MEGF6: variants seen among roughly 807,000 people sequenced by gnomAD.
The protein encoded by MEGF6 is multiple epidermal growth factor-like domains protein 6.
A neutral mutation model predicts 207.1 loss-of-function variants in MEGF6; 184 were observed. The observed-to-expected ratio is 0.89, with a 90% CI of 0.79 to 1.00. MEGF6 has a LOEUF of 1.00. Ranked by LOEUF, MEGF6 falls within the 50% of genes least tolerant of loss-of-function variation. MEGF6 has a pLI of 0.00. For missense variants in MEGF6, 2,282 were observed against 2,202.9 expected (o/e 1.04, Z -0.72); for synonymous variants, 1,038 against 910.0 (o/e 1.14, Z -2.53).
At chr1:3,618,821 A>C in the MEGF6 span, among the ~76,000 whole-genome samples, 1 of 152,154 alleles carries the variant, frequency 6.6e-6, no homozygotes, top group Non-Finnish European at 1.5e-5. This position sits in a 1 kb window ranked among gnomAD's most constrained non-coding sequence, Gnocchi z 4.7. Flanking sequence ...CCCAAAGTGC[A>C]TCCCCCAAAG....
chr1:3,511,882 C>T (rs1641362092), intron 8 of MEGF6, 124 bp downstream of exon 8: 1 of 1,501,554 alleles, frequency 6.7e-7, no homozygotes, highest in Admixed American at 2.0e-5. Flanking sequence ...ACCAAGGGCT[C>T]ACACCCAGGG....
At chr1:3,513,330 GC>G (rs1315755228) in intron 7 of MEGF6, among the ~76,000 whole-genome samples, 6 of 152,000 alleles carry the variant, frequency 3.9e-5, no homozygotes, top group East Asian at 1.9e-4. Flanking sequence ...TCCTGCCTCA[GC>G]CTTCCGAGTA....
chr1:3,511,034 C>T (rs1471323764), intron 9 of MEGF6, 132 bp from the exon 10 acceptor site: 78 of 1,295,026 alleles, frequency 6.0e-5, no homozygotes, highest in Non-Finnish European at 7.8e-5. Flanking sequence ...CACAGCCTCA[C>T]GTGTGCACAC....
intron 35 of MEGF6, among the ~76,000 whole-genome samples, 154 bp from the exon 36 acceptor site, chr1:3,491,113 A>G (rs1262688552): frequency 7.1e-6 from 1 of 140,126 alleles, no homozygotes; most frequent in African/African-American, 3.2e-5. Context: ...TCGGGGAAGG[A>G]ACGGGGGCGG....
At chr1:3,543,688 C>T (rs936843094) in intron 4 of MEGF6, among the ~76,000 whole-genome samples, 10 of 152,366 alleles carry the variant, frequency 6.6e-5, no homozygotes, top group Admixed American at 3.3e-4. Context: ...TGGCTGGCCC[C>T]GGGTCATCCG....
chr1:3,542,395 G>T (rs1642556847), intron 4 of MEGF6, among the ~76,000 whole-genome samples: 1 of 152,226 alleles, frequency 6.6e-6, no homozygotes, highest in South Asian at 2.1e-4. Flanking sequence ...CTCCAACCCG[G>T]CTGGCAGTGG....
chr1:3,531,183 C>T, intron 4 of MEGF6: 2 of 1,521,578 alleles, frequency 1.3e-6, no homozygotes, highest in Non-Finnish European at 1.8e-6. Flanking sequence ...CGACGCGCGC[C>T]AGGCCCCCCA....
At chr1:3,571,523 G>T (rs1184400271) in intron 4 of MEGF6, among the ~76,000 whole-genome samples, 2 of 151,414 alleles carry the variant, frequency 1.3e-5, no homozygotes, top group South Asian at 4.2e-4. Context: ...CTGGGTGAGG[G>T]TGTCCCCCCA....
At chr1:3,572,985 C>T (rs1468966410) in intron 4 of MEGF6, among the ~76,000 whole-genome samples, 1 of 149,568 alleles carries the variant, frequency 6.7e-6, no homozygotes, top group East Asian at 2.0e-4. Flanking sequence ...CTGGGTTCTC[C>T]TGGGTGTGCT....
At chr1:3,567,310 G>A (rs868720962) in intron 4 of MEGF6, among the ~76,000 whole-genome samples, 1 of 152,196 alleles carries the variant, frequency 6.6e-6, no homozygotes, top group Non-Finnish European at 1.5e-5. Flanking sequence ...CTGCCCCTGA[G>A]GCCACAGCTC....
intron 3 of MEGF6, among the ~76,000 whole-genome samples, chr1:3,593,378 C>T (rs1330120121): frequency 3.3e-5 from 5 of 152,098 alleles, no homozygotes; most frequent in Non-Finnish European, 7.4e-5. Context: ...ATCGGGGGAA[C>T]GCGGCTGCGC....
chr1:3,501,906 G>C lies in MEGF6; in HGVS notation c.2204C>G (p.Thr735Arg), dbSNP rs553771900. 23 of 1,601,446 alleles carry C rather than the reference G, an allele frequency of 1.4e-5. No individual in the cohort carries two copies. The South Asian group carries it at 2.5e-4, about 18-fold the overall frequency. Reference protein sequence around the residue: ...EDCGQECPVGTFGVNCSSSCS... With the variant: ...EDCGQECPVGRFGVNCSSSCS... ...GGAGCTCGAGCAGTTCACGCCAAACGTCCCCACCGGGCACTCTGCAGGAGA... is the reference window on the plus strand; with the variant it reads ...GGAGCTCGAGCAGTTCACGCCAAACCTCCCCACCGGGCACTCTGCAGGAGA... The change falls in exon 18 of 37, where the codon ACG (threonine) becomes AGG (arginine). Residue 735 changes from threonine (T) to arginine (R), a missense_variant. Physicochemically the swap from Thr to Arg is moderately conservative, Grantham distance 71. Coordinates refer to ENST00000356575, the MANE Select transcript of MEGF6 (RefSeq NM_001409.4).
At chr1:3,500,465 G>A (rs374788559) in intron 21 of MEGF6, among the ~76,000 whole-genome samples, 168 bp downstream of exon 21, 24 of 152,398 alleles carry the variant, frequency 1.6e-4, no homozygotes, top group Middle Eastern at 3.4e-3. Context: ...GTGCGTGCCT[G>A]CACGTTTTGG....
intron 4 of MEGF6, among the ~76,000 whole-genome samples, chr1:3,548,599 G>A (rs553314848): frequency 2.0e-5 from 3 of 152,242 alleles, no homozygotes; most frequent in East Asian, 3.8e-4. Context: ...CCCTCCTCTG[G>A]TGTGGGGCAG....
rs775129847 is a variant in MEGF6 at position 3,512,070 on chromosome 1, C to T, written c.912G>A (p.Gln304=). 5.0e-6 allele frequency: 8 copies of T among 1,612,512 alleles called. No individual in the cohort carries two copies. The South Asian group carries it at 8.8e-5, about 18-fold the overall frequency. The change falls in exon 8 of 37, where the codon CAG becomes CAA. Residue 304 remains glutamine, a synonymous_variant. Transcript: ENST00000356575. ...CGTGACACACGCACTTGAAGGACCCCTGGGTGTTGAGGCAGCCATGGGCAC... is the reference window on the plus strand; with the variant it reads ...CGTGACACACGCACTTGAAGGACCCTTGGGTGTTGAGGCAGCCATGGGCAC... The part of the protein sequence containing the change: ...AQCAHGCLNT[Q]GSFKCVCHAG...
At position 3,561,554 on chromosome 1, in the gene MEGF6, C is replaced by T. The variant is rs1378090885; in HGVS notation, c.481+18271G>A. ...CCTGGATGGTCGGGGACCATGCACC[C>T]CGCAGGGACAGAGTCACAGACCCGG... is the stretch of plus-strand genomic sequence containing the variant. On this transcript the variant is annotated intron_variant, in intron 4 of 36. Transcript: ENST00000356575. Among the ~76,000 whole-genome samples the T allele has an allele frequency of 3.9e-5, 6 of 152,326 alleles. No individual in the cohort carries two copies. The East Asian group carries it at 1.2e-3, about 29-fold the overall frequency.
intron 3 of MEGF6, among the ~76,000 whole-genome samples, chr1:3,586,199 CTG>C (rs1450256678): frequency 2.1e-5 from 3 of 140,566 alleles, no homozygotes; most frequent in African/African-American, 5.5e-5. Context: ...GACACACGTG[CTG>C]TGTGTGAGGA....
At chr1:3,624,700 A>AG in the MEGF6 span, 2 of 155,612 alleles carry the variant, frequency 1.3e-5, no homozygotes, top group Non-Finnish European at 2.8e-5. Flanking sequence ...CCGCGGGCCA[A>AG]GGGGCTCCAA....
rs754317070 is a variant in MEGF6, at chr1:3,500,649, G to T, written c.2691C>A (p.Gly897=). ...GLCLCEAGYV[G]PRCEQQCPQG... is the part of the protein sequence containing the mutation. ...GGGACTCACGCTGCTCGCACCGCGG[G>T]CCCACGTAGCCAGCCTCACACAGAC... Residue 897 remains glycine, a synonymous_variant, in exon 21 of 37, where the codon GGC becomes GGA. Coordinates refer to ENST00000356575, the MANE Select transcript of MEGF6 (RefSeq NM_001409.4). 6.4e-7 allele frequency: 1 copy of T among 1,562,122 alleles called. No individual in the cohort carries two copies. The highest frequency in any genetic ancestry group is 1.2e-5 in the South Asian group (1 of 85,260).
Sources: gnomAD v4.1 joint callset for allele counts (sites outside exome capture counted in the v4.1 genomes callset) on GRCh38, gnomAD v4.1.1 for gene constraint, Gnocchi (gnomAD v3.1) non-coding constraint, MANE v1.5 for transcripts, NCBI Gene and HGNC (gene_info 2026-07-23, HGNC 2026-07-21) for gene names.